Variants in TTC3 observed in about 807,000 individuals in gnomAD.
The protein encoded by TTC3 is tetratricopeptide repeat domain 3, also known as E3 ubiquitin-protein ligase TTC3.
TTC3 carries 180 observed loss-of-function variants against 249.6 expected under a neutral mutation model. The observed-to-expected ratio is 0.72, with a 90% CI of 0.64 to 0.82. The LOEUF (loss-of-function observed/expected upper bound fraction) is 0.82. TTC3 is among the 40% of genes least tolerant of loss of function. The pLI, the probability that TTC3 is intolerant of heterozygous loss-of-function variation, is 0.00. For synonymous variants in TTC3, 717 were observed against 805.0 expected, an observed-to-expected ratio of 0.89 and a Z score of 1.85; for missense variants, 2,061 against 2,398.4, an observed-to-expected ratio of 0.86 and a Z score of 2.94.
At chr21:37,124,620 G>A (rs1334401926) in exon 14 of TTC3, 1 of 1,610,568 alleles carries the variant, frequency 6.2e-7, no homozygotes. Context: ...CCCACTTAGG[G>A]CCTACACACC....
At chr21:37,113,719 A>C (rs571945663) in intron 11 of TTC3, among the ~76,000 whole-genome samples, 15 of 152,190 alleles carry the variant, frequency 9.9e-5, no homozygotes, top group Admixed American at 7.2e-4. Flanking sequence ...AAAAGAGCCC[A>C]CATTACCAAG....
chr21:37,149,233 G>A lies in TTC3; in HGVS notation c.2118+586G>A, dbSNP rs114200675. Among the ~76,000 whole-genome samples the A allele has an allele frequency of 9.1e-4, 139 of 152,226 alleles. 1 individual carries two copies. Among genetic ancestry groups the A allele is most frequent in the African/African-American group, 3.1e-3 (128 of 41,546 alleles). On this transcript the variant is annotated intron_variant, in intron 23 of 45. Transcript: ENST00000355666. ...AATCTTATTTGTATTCATAGAATTTGTTTCTGATCTATAGAAACTATGGAC... is the reference window on the plus strand; with the variant it reads ...AATCTTATTTGTATTCATAGAATTTATTTCTGATCTATAGAAACTATGGAC...
exon 2 of TTC3, chr21:37,087,339 T>C: frequency 6.2e-7 from 1 of 1,614,082 alleles, no homozygotes; most frequent in Non-Finnish European, 8.5e-7. Context: ...TGATTGTGTC[T>C]TTGCTGCTGA....
At chr21:37,163,041 A>G (rs2080914204) in intron 31 of TTC3, among the ~76,000 whole-genome samples, 1 of 152,230 alleles carries the variant, frequency 6.6e-6, no homozygotes, top group Non-Finnish European at 1.5e-5. Flanking sequence ...GTTTCAACAT[A>G]TGAGTTTTGC....
Position 37,166,172 on chromosome 21 carries a change from T to TA in TTC3, c.3959dup (p.Tyr1320Ter). 1 of 1,614,204 alleles carries TA rather than the reference T, an allele frequency of 6.2e-7. No homozygotes were observed. The highest frequency in any genetic ancestry group is 8.5e-7 in the Non-Finnish European group (1 of 1,180,024). ...CCATTTGGTCACAGGATACTGTACG[T>TA]ATCTTCCTTTCCAGAGATTTGATAT... The change falls in exon 33 of 46, where the codon TAT becomes TAAT. Residue 1320 changes from tyrosine to a stop codon, truncating the protein, a stop_gained and frameshift_variant. Coordinates refer to ENST00000355666, the Ensembl canonical transcript of TTC3. LOFTEE classifies it high-confidence loss of function.
At chr21:37,177,854 A>G (rs1360512461) in intron 35 of TTC3, among the ~76,000 whole-genome samples, 6 of 152,250 alleles carry the variant, frequency 3.9e-5, no homozygotes, top group African/African-American at 1.4e-4. Flanking sequence ...ACATTTACCT[A>G]TTAAAAATAG....
At position 37,135,402 on chromosome 21, in the gene TTC3, T is replaced by C. The variant is rs954958487; in HGVS notation, c.1466T>C (p.Met489Thr). 29 of 1,612,894 alleles carry C rather than the reference T, an allele frequency of 1.8e-5. No individual in the cohort carries two copies. Among genetic ancestry groups the C allele is most frequent in the Non-Finnish European group, 2.5e-5 (29 of 1,179,328 alleles). The stretch of plus-strand genomic sequence containing the variant: ...CAGGATTTTGCTAATATAATGAAAA[T>C]GCTGAGAAGCTTAATTCAAGATGGC... Residue 489 changes from methionine (M) to threonine (T), a missense_variant, in exon 18 of 46, where the codon ATG becomes ACG. Around this residue, in one of 3 missense-constraint regions of TTC3, gnomAD observed 989 missense variants for 1,145.1 expected, o/e 0.86. Coordinates refer to ENST00000355666, the Ensembl canonical transcript of TTC3.
At chr21:37,103,449 T>C (rs538297235) in intron 10 of TTC3, among the ~76,000 whole-genome samples, 1 of 152,316 alleles carries the variant, frequency 6.6e-6, no homozygotes, top group Non-Finnish European at 1.5e-5. Flanking sequence ...CCTGATTATT[T>C]AGACCCTGGG....
At chr21:37,182,546 A>C (rs2082850409) in intron 35 of TTC3, among the ~76,000 whole-genome samples, 1 of 152,214 alleles carries the variant, frequency 6.6e-6, no homozygotes, top group South Asian at 2.1e-4. Context: ...GGGGTGTCTT[A>C]CTGTAATCAG....
At chr21:37,166,355 G>T (rs2081255245) in exon 33 of TTC3, 3 of 1,614,174 alleles carry the variant, frequency 1.9e-6, no homozygotes, top group Non-Finnish European at 2.5e-6. Flanking sequence ...AGATAAAAAT[G>T]CTGCTGCCTA....
chr21:37,148,149 A>G (rs1488330046), intron 22 of TTC3, among the ~76,000 whole-genome samples: 1 of 152,114 alleles, frequency 6.6e-6, no homozygotes, highest in Non-Finnish European at 1.5e-5. Flanking sequence ...TCTTCAAGCT[A>G]CCTTAGGAGG....
intron 10 of TTC3, among the ~76,000 whole-genome samples, chr21:37,104,457 G>A (rs1278149890): frequency 2.0e-5 from 3 of 152,116 alleles, no homozygotes; most frequent in African/African-American, 7.2e-5. Context: ...GGGCGTGGTG[G>A]TAGGTGCTTC....
At chr21:37,120,085 G>A (rs1452033839) in intron 11 of TTC3, among the ~76,000 whole-genome samples, 1 of 152,108 alleles carries the variant, frequency 6.6e-6, no homozygotes, top group East Asian at 1.9e-4. Flanking sequence ...CCACCGTGCC[G>A]TCCATTGTTG....
intron 23 of TTC3, 71 bp downstream of exon 23, chr21:37,148,718 C>T (rs1357922857): frequency 1.0e-6 from 1 of 974,948 alleles, no homozygotes; most frequent in East Asian, 2.8e-5. Flanking sequence ...CCAAGAATTC[C>T]TTCCTGAACA....
At chr21:37,132,831 T>TTCATGTG in intron 17 of TTC3, 65 bp downstream of exon 17, 2 of 1,292,462 alleles carry the variant, frequency 1.5e-6, no homozygotes, top group Non-Finnish European at 2.2e-6. Context: ...TTCACATGAA[T>TTCATGTG]AAGGTTCTAA....
chr21:37,087,212 TTAATTAC>T (rs1246973300), intron 1 of TTC3, 28 bp from the exon 2 acceptor site: 3 of 1,601,790 alleles, frequency 1.9e-6, no homozygotes, highest in Non-Finnish European at 2.6e-6. Context: ...CTCAAATGAT[TTAATTAC>T]TGACTTGAGT....
Position 37,096,022 on chromosome 21 carries a change from C to T in TTC3, c.783-559C>T, listed in dbSNP as rs938869985. ...CTCTGTAGCCACTGCTCTTTTTCCT[C>T]CCTTGTGCATCTCCACAGGGAATGA... On this transcript the variant is annotated intron_variant, in intron 9 of 45. Coordinates refer to ENST00000355666, the Ensembl canonical transcript of TTC3. Among the ~76,000 whole-genome samples the T allele has an allele frequency of 1.1e-4, 16 of 152,194 alleles. No individual in the cohort carries two copies. The South Asian group carries it at 1.7e-3, about 16-fold the overall frequency.
chr21:37,143,921 G>C (rs190527289), intron 20 of TTC3, among the ~76,000 whole-genome samples: 1 of 140,320 alleles, frequency 7.1e-6, no homozygotes, highest in African/African-American at 2.7e-5. Context: ...CCATAAAAAA[G>C]GATGAGTTCA....
At chr21:37,175,658 G>A (rs947636782) in intron 35 of TTC3, among the ~76,000 whole-genome samples, 3 of 151,518 alleles carry the variant, frequency 2.0e-5, no homozygotes, top group East Asian at 1.9e-4. Flanking sequence ...AAATCTGAGC[G>A]AGGTATTATA....
Sources: allele counts gnomAD v4.1 joint callset (sites outside exome capture counted in the v4.1 genomes callset), GRCh38; gene constraint gnomAD v4.1.1; regional missense constraint gnomAD v4.1.1; transcripts MANE v1.5; gene names NCBI Gene and HGNC (gene_info 2026-07-23, HGNC 2026-07-21).